Variants in CNTN4 observed in about 807,000 individuals in gnomAD.
CNTN4 encodes contactin-4.
Under a neutral mutation model 122.5 loss-of-function variants are expected in CNTN4, and 77 were observed. The observed-to-expected ratio is 0.63, with a 90% CI of 0.52 to 0.76. The LOEUF (loss-of-function observed/expected upper bound fraction) is 0.76. Ranked by LOEUF, CNTN4 falls within the 30% of genes least tolerant of loss-of-function variation. The pLI, the probability that CNTN4 is intolerant of heterozygous loss-of-function variation, is 0.00. For synonymous variants in CNTN4, 512 were observed against 447.0 expected (o/e 1.15, Z -1.83); for missense variants, 1,256 against 1,259.1 (o/e 1.00, Z 0.04).
rs529974498 is a variant in CNTN4, at chr3:2,747,180, C to T, written c.358+1483C>T. Among the ~76,000 whole-genome samples, 29 of 151,920 alleles carry T rather than the reference C, an allele frequency of 1.9e-4. No homozygotes were observed. The East Asian group carries it at 4.5e-3, about 23-fold the overall frequency. Reference sequence around the variant, plus strand: ...ATCCCAGCATTTTGGGAGGCCGAGGCGGGCGGATCACGAGGTCAGGAGATC... The same window carrying T: ...ATCCCAGCATTTTGGGAGGCCGAGGTGGGCGGATCACGAGGTCAGGAGATC... On this transcript the variant is annotated intron_variant, in intron 6 of 24. Coordinates refer to ENST00000418658, the MANE Select transcript of CNTN4 (RefSeq NM_175607.3).
At chr3:2,802,458 C>T (rs1289435307) in intron 6 of CNTN4, among the ~76,000 whole-genome samples, 5 of 152,156 alleles carry the variant, frequency 3.3e-5, no homozygotes, top group Non-Finnish European at 7.4e-5. Context: ...AAGGGAATAG[C>T]ACCGAGGTGC....
chr3:2,481,018 T>G (rs1302521652), intron 3 of CNTN4, among the ~76,000 whole-genome samples: 1 of 151,492 alleles, frequency 6.6e-6, no homozygotes, highest in East Asian at 1.9e-4. Context: ...TCTTTCTTTC[T>G]TTCTTTTCTT....
intron 12 of CNTN4, among the ~76,000 whole-genome samples, chr3:2,914,604 A>T (rs969651203): frequency 6.6e-6 from 1 of 152,254 alleles, no homozygotes; most frequent in Non-Finnish European, 1.5e-5. Flanking sequence ...TAGAAATGTG[A>T]ATAGACTTAG....
intron 4 of CNTN4, among the ~76,000 whole-genome samples, chr3:2,580,287 G>T (rs2079877837): frequency 6.6e-6 from 1 of 152,140 alleles, no homozygotes; most frequent in South Asian, 2.1e-4. Flanking sequence ...GCTAGGACAA[G>T]TGCCAATTAG....
chr3:2,961,032 C>G (rs1577410223), intron 13 of CNTN4, among the ~76,000 whole-genome samples: 1 of 116,710 alleles, frequency 8.6e-6, no homozygotes, highest in South Asian at 2.8e-4. Flanking sequence ...AGATCGAGAC[C>G]ATCCTGGCTA....
chr3:2,709,276 G>C lies in CNTN4; in HGVS notation c.56-26939G>C, dbSNP rs1232792342. 6.6e-6 allele frequency among the ~76,000 whole-genome samples: 1 copy of C among 152,130 alleles called. No individual in the cohort carries two copies. Among genetic ancestry groups the C allele is most frequent in the Non-Finnish European group, 1.5e-5 (1 of 68,028 alleles). On this transcript the variant is annotated intron_variant, in intron 4 of 24. Coordinates refer to ENST00000418658, the MANE Select transcript of CNTN4 (RefSeq NM_175607.3). The surrounding 1 kb of genome is among the most constrained non-coding windows in gnomAD (Gnocchi z 5.0). ...TGTTTTGTTTTTAAATCTTGAAAGA[G>C]ACCTGAATTTATAATTAGTACAGTG...
At chr3:2,408,696 ACTC>A (rs1005322050) in intron 3 of CNTN4, among the ~76,000 whole-genome samples, 3 of 152,112 alleles carry the variant, frequency 2.0e-5, no homozygotes, top group Admixed American at 2.0e-4. Flanking sequence ...CTATCTCATA[ACTC>A]CTCCTCATGA....
intron 17 of CNTN4, among the ~76,000 whole-genome samples, chr3:3,036,323 C>T (rs1157925194): frequency 6.6e-6 from 1 of 152,068 alleles, no homozygotes; most frequent in Non-Finnish European, 1.5e-5. Flanking sequence ...CTTCTGTAAT[C>T]ACTGAGTCAC....
At chr3:2,802,573 G>C (rs943750125) in intron 6 of CNTN4, among the ~76,000 whole-genome samples, 2 of 152,200 alleles carry the variant, frequency 1.3e-5, no homozygotes, top group East Asian at 3.9e-4. Flanking sequence ...TCAGCATTAT[G>C]TATTAAATAC....
At position 2,343,917 on chromosome 3, in the gene CNTN4, A is replaced by G. The variant is rs143666140; in HGVS notation, c.-89+4684A>G. Among the ~76,000 whole-genome samples the G allele has an allele frequency of 2.2e-4, 34 of 152,278 alleles. No homozygotes were observed. The East Asian group carries it at 5.6e-3, about 25-fold the overall frequency. On this transcript the variant is annotated intron_variant, in intron 3 of 24. Transcript: ENST00000418658. ...TGGTGACAGCCTCAGGAAACTTACA[A>G]TTATGACAGAGGGCAAAGGGGCAGC...
At chr3:2,276,835 G>A (rs531706585) in intron 2 of CNTN4, among the ~76,000 whole-genome samples, 5 of 152,244 alleles carry the variant, frequency 3.3e-5, no homozygotes, top group East Asian at 1.9e-4. Flanking sequence ...ATAATCGCTT[G>A]AACCTGGGAG....
At chr3:2,174,051 G>A (rs934894375) in intron 2 of CNTN4, among the ~76,000 whole-genome samples, 3 of 152,110 alleles carry the variant, frequency 2.0e-5, no homozygotes, top group Non-Finnish European at 2.9e-5. Context: ...TCAGGTACAA[G>A]CTAAATGAGT....
intron 7 of CNTN4, among the ~76,000 whole-genome samples, chr3:2,860,211 G>A (rs531540440): frequency 5.9e-5 from 9 of 152,146 alleles, no homozygotes; most frequent in Admixed American, 1.3e-4. Flanking sequence ...CTGCAAAGAC[G>A]GTGAAAAGCT....
intron 16 of CNTN4, among the ~76,000 whole-genome samples, chr3:3,033,182 G>GA (rs1282914688): frequency 6.6e-6 from 1 of 152,108 alleles, no homozygotes; most frequent in Non-Finnish European, 1.5e-5. Flanking sequence ...GAAAACTAGT[G>GA]AAAAAAATTA....
intron 3 of CNTN4, among the ~76,000 whole-genome samples, chr3:2,394,883 T>C (rs1015629318): frequency 6.8e-5 from 10 of 147,580 alleles, no homozygotes; most frequent in African/African-American, 2.5e-4. Flanking sequence ...GCCTCCTGGG[T>C]TCAAGTGATT....
At chr3:2,817,089 A>G (rs1392483200) in intron 6 of CNTN4, among the ~76,000 whole-genome samples, 1 of 152,192 alleles carries the variant, frequency 6.6e-6, no homozygotes, top group Non-Finnish European at 1.5e-5. Context: ...ATCTTTCCCT[A>G]AACATGTGCA....
At chr3:2,936,010 A>C (rs1279757290) in intron 13 of CNTN4, among the ~76,000 whole-genome samples, 1 of 152,220 alleles carries the variant, frequency 6.6e-6, no homozygotes, top group African/African-American at 2.4e-5. Flanking sequence ...GGAGGAGATA[A>C]AACTGGGACA....
intron 13 of CNTN4, among the ~76,000 whole-genome samples, chr3:2,987,139 A>G (rs1694653045): frequency 1.3e-5 from 2 of 152,234 alleles, no homozygotes; most frequent in South Asian, 4.1e-4. Context: ...AGCAAGTGCA[A>G]AGGCCCTGAA....
intron 6 of CNTN4, among the ~76,000 whole-genome samples, chr3:2,818,518 A>G (rs1011496976): frequency 1.3e-5 from 2 of 152,222 alleles, no homozygotes; most frequent in African/African-American, 4.8e-5. Flanking sequence ...GAAGTCCCCG[A>G]ATCCAATAAA....
Sources: allele counts gnomAD v4.1 joint callset (sites outside exome capture counted in the v4.1 genomes callset), GRCh38; gene constraint gnomAD v4.1.1; non-coding constraint Gnocchi (gnomAD v3.1); transcripts MANE v1.5; gene names NCBI Gene and HGNC (gene_info 2026-07-23, HGNC 2026-07-21).